The following RAB38 variants were observed in gnomAD, a reference collection of about 807,000 sequenced individuals.
RAB38 encodes RAB38, member RAS oncogene family, also known as ras-related protein Rab-38.
RAB38 carries 15 observed loss-of-function variants against 18.4 expected under a neutral mutation model. That is an observed-to-expected ratio of 0.82 (90% CI 0.55 to 1.26). The LOEUF is 1.26. RAB38 is among the 50% of genes most tolerant of loss of function. RAB38 has a pLI of 0.00. For missense variants in RAB38, 294 were observed against 267.4 expected (o/e 1.10, Z -0.69); for synonymous variants, 101 against 104.4 (o/e 0.97, Z 0.20).
the RAB38 span, among the ~76,000 whole-genome samples, chr11:87,940,161 T>C: frequency 9.7e-6 from 1 of 103,286 alleles, no homozygotes; most frequent in Non-Finnish European, 2.1e-5. Flanking sequence ...TTTACCCAGA[T>C]AATACAAAAA....
intron 2 of RAB38, among the ~76,000 whole-genome samples, chr11:88,133,765 A>G (rs1163949481): frequency 6.6e-6 from 1 of 152,218 alleles, no homozygotes; most frequent in Admixed American, 6.5e-5. Flanking sequence ...CCAGTTTACT[A>G]CTCAGAAGAA....
chr11:88,162,263 T>C (rs956913038), intron 1 of RAB38, among the ~76,000 whole-genome samples: 6 of 152,118 alleles, frequency 3.9e-5, no homozygotes, highest in Non-Finnish European at 8.8e-5. Context: ...TATAAATTAA[T>C]TACCATTTTT....
chr11:87,824,162 A>C, the RAB38 span, among the ~76,000 whole-genome samples: 1 of 152,190 alleles, frequency 6.6e-6, no homozygotes. Flanking sequence ...ATAACTGCAT[A>C]GGTGAAGATG....
chr11:88,127,863 A>C (rs956409934), intron 2 of RAB38, among the ~76,000 whole-genome samples: 3 of 152,166 alleles, frequency 2.0e-5, no homozygotes, highest in Non-Finnish European at 4.4e-5. Context: ...ACACATGTAC[A>C]ATTACTTTTT....
chr11:87,837,310 G>T, the RAB38 span, among the ~76,000 whole-genome samples: 8 of 152,068 alleles, frequency 5.3e-5, no homozygotes, highest in African/African-American at 1.9e-4. Flanking sequence ...CTCCATGAGG[G>T]TACATCTGTA....
chr11:87,888,441 A>G, the RAB38 span, among the ~76,000 whole-genome samples: 1 of 151,984 alleles, frequency 6.6e-6, no homozygotes, highest in Non-Finnish European at 1.5e-5. Context: ...TCTAAATCCT[A>G]GTTCTATCAC....
At chr11:88,041,543 A>G in the RAB38 span, among the ~76,000 whole-genome samples, 8 of 152,228 alleles carry the variant, frequency 5.3e-5, no homozygotes, top group Non-Finnish European at 1.0e-4. Context: ...TTTATAGGTC[A>G]ATGTCTAGAG....
At chr11:87,844,839 C>G in the RAB38 span, among the ~76,000 whole-genome samples, 1 of 152,154 alleles carries the variant, frequency 6.6e-6, no homozygotes, top group African/African-American at 2.4e-5. Context: ...CAACATTGTA[C>G]AGGCCTACAA....
chr11:87,824,299 C>T, the RAB38 span, among the ~76,000 whole-genome samples: 18 of 152,288 alleles, frequency 1.2e-4, 1 homozygote, highest in African/African-American at 3.8e-4. Flanking sequence ...TATTTGGAGG[C>T]TTTCCAGAAA....
At chr11:88,032,787 A>T in the RAB38 span, among the ~76,000 whole-genome samples, 1 of 152,198 alleles carries the variant, frequency 6.6e-6, no homozygotes, top group East Asian at 1.9e-4. Context: ...TGGGACTGTA[A>T]ACTAGTTCAA....
At chr11:87,935,203 A>G in the RAB38 span, among the ~76,000 whole-genome samples, 1 of 152,108 alleles carries the variant, frequency 6.6e-6, no homozygotes, top group Non-Finnish European at 1.5e-5. Flanking sequence ...ACGTCTCCTC[A>G]GTCATTTCAT....
the RAB38 span, among the ~76,000 whole-genome samples, chr11:87,887,010 C>T: frequency 6.6e-6 from 1 of 151,872 alleles, no homozygotes; most frequent in Non-Finnish European, 1.5e-5. Flanking sequence ...CTGATATATT[C>T]GGCCCCAAAC....
rs139544689 is a variant in RAB38 at position 88,141,463 on chromosome 11, C to T, written c.483+8212G>A. Among the ~76,000 whole-genome samples the T allele has an allele frequency of 5.7e-3, 863 of 152,294 alleles. 3 individuals are homozygous for T. Among genetic ancestry groups the T allele is most frequent in the Non-Finnish European group, 0.01 (697 of 68,020 alleles). On this transcript the variant is annotated intron_variant, in intron 2 of 2. Coordinates refer to ENST00000243662, the MANE Select transcript of RAB38 (RefSeq NM_022337.3). ...ATAGTGCTGAGGTTGAAAAACCCTA[C>T]GCCTTATATTAGGATTTGCCAAATT...
the RAB38 span, among the ~76,000 whole-genome samples, chr11:88,045,634 C>T: frequency 2.3e-4 from 35 of 152,328 alleles, no homozygotes; most frequent in Non-Finnish European, 4.6e-4. Context: ...GACTCCTTCC[C>T]AGATCTTCTT....
the RAB38 span, chr11:87,816,526 G>A: frequency 6.6e-6 from 1 of 152,004 alleles, no homozygotes. Context: ...TGTTAATTTG[G>A]TGAATAATTG....
chr11:87,823,119 A>C, the RAB38 span, among the ~76,000 whole-genome samples: 1 of 152,188 alleles, frequency 6.6e-6, no homozygotes, highest in Admixed American at 6.5e-5. Context: ...GTTAATAGAT[A>C]GATTTGAGTC....
the RAB38 span, among the ~76,000 whole-genome samples, chr11:87,823,739 C>T: frequency 6.6e-6 from 1 of 151,976 alleles, no homozygotes. Context: ...CACTGAAAAC[C>T]ACCCAAATGC....
the RAB38 span, among the ~76,000 whole-genome samples, chr11:87,807,635 A>T: frequency 6.6e-6 from 1 of 152,246 alleles, no homozygotes; most frequent in African/African-American, 2.4e-5. Context: ...CATGAATATC[A>T]TAATGGTAGG....
rs368569038 is a variant in RAB38 at position 88,120,023 on chromosome 11, G to A, written c.484-5883C>T. On this transcript the variant is annotated intron_variant, in intron 2 of 2. Transcript: ENST00000243662. ...ACCTAACATGGGTGCTAGTGTAGTG[G>A]ACACCTGTCTGTTAAGCACTTCTGT... Among the ~76,000 whole-genome samples the A allele has an allele frequency of 2.2e-3, 330 of 152,262 alleles. 13 individuals are homozygous for A. The South Asian group carries it at 0.064, about 30-fold the overall frequency.
Sources: gnomAD v4.1 joint callset for allele counts (sites outside exome capture counted in the v4.1 genomes callset) on GRCh38, gnomAD v4.1.1 for gene constraint, MANE v1.5 for transcripts, NCBI Gene and HGNC (gene_info 2026-07-23, HGNC 2026-07-21) for gene names.